KDR: variants seen among roughly 807,000 people sequenced by gnomAD.
The protein encoded by KDR is kinase insert domain receptor.
Under a neutral mutation model 160.9 loss-of-function variants are expected in KDR, and 43 were observed. That is an observed-to-expected ratio of 0.27 (90% confidence interval 0.21 to 0.34). KDR has a LOEUF of 0.34. Ranked by LOEUF, KDR falls within the 10% of genes least tolerant of loss-of-function variation. KDR has a pLI of 1.00. For synonymous variants in KDR, 617 were observed against 600.1 expected, an observed-to-expected ratio of 1.03 and a Z score of -0.41; for missense variants, 1,469 against 1,666.4, an observed-to-expected ratio of 0.88 and a Z score of 2.06.
At chr4:55,117,516 A>C (rs1578139878) in intron 3 of KDR, among the ~76,000 whole-genome samples, 1 of 152,190 alleles carries the variant, frequency 6.6e-6, no homozygotes, top group Non-Finnish European at 1.5e-5. Flanking sequence ...ATATTTCTCA[A>C]ACATTGTGAA....
intron 18 of KDR, among the ~76,000 whole-genome samples, chr4:55,097,404 G>T (rs138294768): frequency 1.2e-4 from 19 of 152,196 alleles, no homozygotes; most frequent in African/African-American, 4.6e-4. Flanking sequence ...AAGTACAACT[G>T]TGTTGGCTGA....
intron 26 of KDR, among the ~76,000 whole-genome samples, chr4:55,088,654 G>T (rs1264030333): frequency 1.3e-5 from 2 of 152,182 alleles, no homozygotes; most frequent in Non-Finnish European, 2.9e-5. Context: ...AGAAATCAGA[G>T]TGGTCTGCTC....
chr4:55,081,401 C>G (rs1045908701), intron 29 of KDR, among the ~76,000 whole-genome samples: 4 of 152,046 alleles, frequency 2.6e-5, no homozygotes, highest in African/African-American at 9.7e-5. Flanking sequence ...GTTAAGAGAA[C>G]GTACACGTAT....
rs147471059 is a variant in KDR at position 55,101,958 on chromosome 4, G to A, written c.2205C>T (p.Tyr735=). ...CAAGAACACTGCATGCCTGGCAGGTGTAGAGGCCTTCGTCCTCCTTCCTCA... is the reference window on the plus strand; with the variant it reads ...CAAGAACACTGCATGCCTGGCAGGTATAGAGGCCTTCGTCCTCCTTCCTCA... ...RRVRKEDEGL[Y]TCQACSVLGC... Residue 735 remains tyrosine, a synonymous_variant, in exon 15 of 30, where the codon TAC becomes TAT. Coordinates refer to ENST00000263923, the MANE Select transcript of KDR (RefSeq NM_002253.4). 4.6e-5 allele frequency: 75 copies of A among 1,613,688 alleles called. No homozygotes were observed. In the African/African-American group the frequency reaches 6.3e-4, roughly 13 times the overall value.
Position 55,098,152 on chromosome 4 carries a change from C to T in KDR, c.2494G>A (p.Asp832Asn), listed in dbSNP as rs768465015. The T allele has an allele frequency of 1.2e-6, 2 of 1,613,950 alleles. No individual in the cohort carries two copies. Among genetic ancestry groups the T allele is most frequent in the East Asian group, 2.2e-5 (1 of 44,872 alleles). The change falls in exon 17 of 30, where the codon GAC becomes AAC. Residue 832 changes from aspartate (D) to asparagine (N), a missense_variant. This residue lies in a region of KDR where 118 missense variants were observed against 110.8 expected (regional missense o/e 1.06). Coordinates refer to ENST00000263923, the MANE Select transcript of KDR (RefSeq NM_002253.4). ...GAAAATGCACCTAGCTTCAGCCGGTCTCTGGGGAATTCCCATTTGCTGGCA... is the reference window on the plus strand; with the variant it reads ...GAAAATGCACCTAGCTTCAGCCGGTTTCTGGGGAATTCCCATTTGCTGGCA... ...YDASKWEFPR[D>N]RLKLGKPLGR...
chr4:55,104,555 G>T, intron 13 of KDR, 88 bp downstream of exon 13: 2 of 989,940 alleles, frequency 2.0e-6, no homozygotes, highest in Non-Finnish European at 3.1e-6. Context: ...TCTCCTAGAG[G>T]ACAGTAATCT....
chr4:55,095,726 T>A, intron 19 of KDR, 61 bp from the exon 20 acceptor site: 1 of 1,245,396 alleles, frequency 8.0e-7, no homozygotes, highest in Non-Finnish European at 1.2e-6. Context: ...ACTAAGCGTT[T>A]AATATAGTGA....
chr4:55,124,367 G>A lies in KDR; in HGVS notation c.67+860C>T, dbSNP rs969663165. Among the ~76,000 whole-genome samples the A allele has an allele frequency of 2.0e-5, 3 of 152,158 alleles. No individual in the cohort carries two copies. The South Asian group carries it at 6.2e-4, about 32-fold the overall frequency. ...GAGGAAGAAAAGACAGACAGCTATT[G>A]CATGAAGAACGTGTGTGTTCCTAAT... On this transcript the variant is annotated intron_variant, in intron 1 of 29. Coordinates refer to ENST00000263923, the MANE Select transcript of KDR (RefSeq NM_002253.4).
intron 21 of KDR, 120 bp from the exon 22 acceptor site, chr4:55,092,834 CAG>C: frequency 1.4e-6 from 1 of 730,872 alleles, no homozygotes; most frequent in Non-Finnish European, 2.5e-6. Flanking sequence ...GAAATAGAAG[CAG>C]AGAGTCAATG....
At chr4:55,113,583 T>C (rs1720652620) in intron 6 of KDR, 102 bp from the exon 7 acceptor site, 4 of 1,043,450 alleles carry the variant, frequency 3.8e-6, no homozygotes, top group East Asian at 2.5e-5. Flanking sequence ...GTAAACATTA[T>C]TTAATGCTAA....
Position 55,125,493 on chromosome 4 carries a change from G to A in KDR, c.-200C>T, listed in dbSNP as rs970012599. 32 of 627,306 alleles carry A rather than the reference G, an allele frequency of 5.1e-5. No individual in the cohort carries two copies. In the African/African-American group the frequency reaches 5.3e-4, roughly 10 times the overall value. 38.9% of individuals were successfully genotyped at this position (627,306 alleles called of 1,614,324 possible). A position where few individuals can be genotyped will look rare whatever the true frequency, so the allele number is the denominator to read the frequency against. The stretch of plus-strand genomic sequence containing the variant: ...GGTGCCGGTAGGAGAGGATATCCAG[G>A]CTGCCAGACGGACTTTCTGCGGCGC... On this transcript the variant is annotated 5_prime_UTR_variant, in exon 1 of 30. Transcript: ENST00000263923.
chr4:55,101,883 T>C lies in KDR; in HGVS notation c.2266+14A>G, dbSNP rs1720319049. 6.2e-7 allele frequency: 1 copy of C among 1,609,146 alleles called. No homozygotes were observed. Among genetic ancestry groups the C allele is most frequent in the Non-Finnish European group, 8.5e-7 (1 of 1,176,564 alleles). ...ATGGTGTATATGTACCACATTTTTT[T>C]TTATCCCACTGACCTTCTATTATGA... On this transcript the variant is annotated intron_variant, in intron 15 of 29. Coordinates refer to ENST00000263923, the MANE Select transcript of KDR (RefSeq NM_002253.4).
At chr4:55,090,159 A>C in intron 22 of KDR, 81 bp from the exon 23 acceptor site, 2 of 1,542,984 alleles carry the variant, frequency 1.3e-6, no homozygotes, top group Non-Finnish European at 1.8e-6. Context: ...GCATCAAAAA[A>C]AAATCCCACA....
At chr4:55,121,876 A>G (rs1422960902) in intron 1 of KDR, among the ~76,000 whole-genome samples, 1 of 152,156 alleles carries the variant, frequency 6.6e-6, no homozygotes, top group Non-Finnish European at 1.5e-5. Flanking sequence ...TGTGCAAATT[A>G]ATATACTTTT....
intron 16 of KDR, 70 bp from the exon 17 acceptor site, chr4:55,098,342 G>A (rs1422364592): frequency 6.4e-7 from 1 of 1,556,852 alleles, no homozygotes; most frequent in Non-Finnish European, 8.8e-7. Context: ...GCTTGTTATT[G>A]CTGTTTATTG....
intron 1 of KDR, among the ~76,000 whole-genome samples, chr4:55,121,560 T>C (rs1578141478): frequency 6.6e-6 from 1 of 152,328 alleles, no homozygotes. Flanking sequence ...TTATAGAACA[T>C]AGGATGTACA....
At chr4:55,119,629 A>G (rs1400659953) in intron 2 of KDR, among the ~76,000 whole-genome samples, 1 of 152,192 alleles carries the variant, frequency 6.6e-6, no homozygotes, top group East Asian at 1.9e-4. Flanking sequence ...CAGCACATGG[A>G]AAGGCCCTGG....
chr4:55,110,842 G>A, intron 7 of KDR, 74 bp from the exon 8 acceptor site: 3 of 1,267,604 alleles, frequency 2.4e-6, no homozygotes, highest in Non-Finnish European at 3.4e-6. Context: ...CATTTCAAGT[G>A]AAACGTCAAA....
chr4:55,124,796 G>A (rs115626287), intron 1 of KDR, among the ~76,000 whole-genome samples: 85 of 152,250 alleles, frequency 5.6e-4, no homozygotes, highest in Non-Finnish European at 9.7e-4. Context: ...CGGGAGACCC[G>A]GCCTGAGATT....
Sources: gnomAD v4.1 joint callset for allele counts (sites outside exome capture counted in the v4.1 genomes callset) on GRCh38, gnomAD v4.1.1 for gene constraint, gnomAD v4.1.1 regional missense constraint, MANE v1.5 for transcripts, NCBI Gene and HGNC (gene_info 2026-07-23, HGNC 2026-07-21) for gene names.